Variants in PLEKHG1 observed in about 807,000 individuals in gnomAD.
PLEKHG1 encodes pleckstrin homology domain-containing family G member 1.
In PLEKHG1, 44 loss-of-function variants were observed where a neutral mutation model predicts 100.8. That is an observed-to-expected ratio of 0.44 (90% CI 0.34 to 0.56). The LOEUF is 0.56. PLEKHG1 is among the 20% of genes least tolerant of loss of function. PLEKHG1 has a pLI of 0.01. For missense variants in PLEKHG1, 1,545 were observed against 1,720.9 expected (o/e 0.90, Z 1.81); for synonymous variants, 640 against 662.5 (o/e 0.97, Z 0.52).
At chr6:150,783,169 T>TA (rs71014520) in intron 3 of PLEKHG1, among the ~76,000 whole-genome samples, 14,606 of 79,324 alleles carry the variant, frequency 0.18, 1,551 homozygotes, top group African/African-American at 0.33. Context: ...GAAAAAAAAC[T>TA]AAAAAAAAAA....
intron 1 of PLEKHG1, among the ~76,000 whole-genome samples, chr6:150,634,368 A>G (rs912129787): frequency 2.6e-5 from 4 of 152,132 alleles, no homozygotes; most frequent in Non-Finnish European, 5.9e-5. Context: ...AGGGTAGGCT[A>G]GGAGAGCTTG....
chr6:150,804,627 T>G, exon 7 of PLEKHG1: 1 of 1,592,458 alleles, frequency 6.3e-7, no homozygotes, highest in Non-Finnish European at 8.5e-7. Context: ...AAAACCACCT[T>G]GATAAGGACA....
chr6:150,612,060 C>T (rs921363207), intron 1 of PLEKHG1, among the ~76,000 whole-genome samples: 19 of 84,642 alleles, frequency 2.2e-4, no homozygotes, highest in Non-Finnish European at 4.0e-4. Flanking sequence ...CCCCCCCCCC[C>T]TTTTCTAGTT....
In PLEKHG1 at chr6:150,768,686, G is replaced by A. The variant is rs766228724; in HGVS notation, c.460G>A (p.Glu154Lys). ...CCAAACAAAACTTCCCCTGGGGACC[G>A]AAGAAAGATCAGCCCTTTTTGGAAA... The change falls in exon 3 of 16, where the codon GAA (glutamate) becomes AAA (lysine). Residue 154 changes from glutamate to lysine, a missense_variant. Physicochemically the swap from Glu to Lys is moderately conservative, Grantham distance 56. Transcript: ENST00000358517. 6.9e-5 allele frequency: 111 copies of A among 1,612,620 alleles called. No homozygotes were observed. Among genetic ancestry groups the A allele is most frequent in the Non-Finnish European group, 8.6e-5 (101 of 1,178,772 alleles).
At chr6:150,730,397 A>G (rs1222092953) in intron 1 of PLEKHG1, among the ~76,000 whole-genome samples, 3 of 152,120 alleles carry the variant, frequency 2.0e-5, no homozygotes, top group Non-Finnish European at 2.9e-5. Flanking sequence ...TCGGATCATC[A>G]GGAATTAGAT....
At chr6:150,812,982 G>T (rs528293223) in intron 10 of PLEKHG1, among the ~76,000 whole-genome samples, 1 of 152,102 alleles carries the variant, frequency 6.6e-6, no homozygotes, top group Non-Finnish European at 1.5e-5. Flanking sequence ...AGAGAGCAGG[G>T]GTGTCTGAGG....
intron 3 of PLEKHG1, among the ~76,000 whole-genome samples, chr6:150,771,308 T>C (rs1193413336): frequency 6.6e-6 from 1 of 151,742 alleles, no homozygotes; most frequent in Non-Finnish European, 1.5e-5. Flanking sequence ...TCCCAGCTAC[T>C]TGGGAGGCTG....
chr6:150,822,371 G>A (rs2128680297), intron 13 of PLEKHG1, among the ~76,000 whole-genome samples: 1 of 152,172 alleles, frequency 6.6e-6, no homozygotes, highest in South Asian at 2.1e-4. Flanking sequence ...AACGCTTCAG[G>A]GGCAAAATTT....
intron 1 of PLEKHG1, among the ~76,000 whole-genome samples, chr6:150,612,059 C>CAA (rs1554251538): frequency 5.4e-5 from 4 of 74,554 alleles, no homozygotes; most frequent in Admixed American, 4.8e-4. Context: ...CCCCCCCCCC[C>CAA]CTTTTCTAGT....
chr6:150,679,445 A>G (rs1779864118), intron 3 of PLEKHG1, among the ~76,000 whole-genome samples: 1 of 152,250 alleles, frequency 6.6e-6, no homozygotes, highest in Admixed American at 6.5e-5. Flanking sequence ...TCTTTGAAGA[A>G]TCCATAAAAT....
intron 4 of PLEKHG1, 98 bp from the exon 6 acceptor site, chr6:150,795,756 TAA>T: frequency 2.5e-5 from 15 of 608,734 alleles, no homozygotes; most frequent in Non-Finnish European, 3.5e-5. Flanking sequence ...TATATATATA[TAA>T]ATGTCAAGGC....
At chr6:150,623,614 C>G (rs766325015) in intron 1 of PLEKHG1, among the ~76,000 whole-genome samples, 1 of 152,220 alleles carries the variant, frequency 6.6e-6, no homozygotes, top group East Asian at 1.9e-4. Flanking sequence ...GTACTGCAAA[C>G]GGACAGCAGA....
At chr6:150,714,445 T>C (rs1472004740) in intron 3 of PLEKHG1, among the ~76,000 whole-genome samples, 1 of 152,146 alleles carries the variant, frequency 6.6e-6, no homozygotes, top group African/African-American at 2.4e-5. Flanking sequence ...CGTGTGCCCT[T>C]CAAGGCCATC....
chr6:150,619,144 C>G (rs922497644), intron 1 of PLEKHG1, among the ~76,000 whole-genome samples: 4 of 150,940 alleles, frequency 2.7e-5, no homozygotes, highest in African/African-American at 9.9e-5. Context: ...GACAATTTGA[C>G]TCAAATGATG....
upstream of PLEKHG1, among the ~76,000 whole-genome samples, chr6:150,716,216 C>T (rs1781435089): frequency 6.6e-6 from 1 of 152,106 alleles, no homozygotes; most frequent in African/African-American, 2.4e-5. Context: ...ATGGCCTGTG[C>T]TTCCAAAAAT....
intron 3 of PLEKHG1, among the ~76,000 whole-genome samples, chr6:150,679,575 A>G (rs1039385250): frequency 6.6e-6 from 1 of 152,252 alleles, no homozygotes; most frequent in African/African-American, 2.4e-5. Context: ...CAGCTGTGAT[A>G]GAAATATCAC....
chr6:150,829,183 C>T (rs1439333136), intron 14 of PLEKHG1, among the ~76,000 whole-genome samples: 1 of 152,158 alleles, frequency 6.6e-6, no homozygotes, highest in Non-Finnish European at 1.5e-5. Flanking sequence ...CTAATTAGGT[C>T]TTAACCCTTT....
intron 2 of PLEKHG1, among the ~76,000 whole-genome samples, chr6:150,643,665 A>G (rs964926062): frequency 1.3e-5 from 2 of 152,174 alleles, no homozygotes; most frequent in Non-Finnish European, 2.9e-5. Context: ...CTTTTCCAAA[A>G]TGTGAGCCGT....
chr6:150,688,530 C>T (rs1780227123), intron 3 of PLEKHG1, among the ~76,000 whole-genome samples: 2 of 152,096 alleles, frequency 1.3e-5, no homozygotes, highest in African/African-American at 4.8e-5. Flanking sequence ...CCATATTGGC[C>T]AGGCTAGTCT....
Sources: gnomAD v4.1 joint callset for allele counts (sites outside exome capture counted in the v4.1 genomes callset) on GRCh38, gnomAD v4.1.1 for gene constraint, MANE v1.5 for transcripts, NCBI Gene and HGNC (gene_info 2026-07-23, HGNC 2026-07-21) for gene names.